KHSRP: variants seen among roughly 807,000 people sequenced by gnomAD.
KHSRP encodes the protein far upstream element-binding protein 2.
In KHSRP, 13 loss-of-function variants were observed where a neutral mutation model predicts 94.9. The ratio of observed to expected loss-of-function variants is 0.14; its 90% CI spans 0.09 to 0.22. The LOEUF is 0.22. KHSRP is among the 10% of genes least tolerant of loss of function. The pLI is 1.00. For synonymous variants in KHSRP, 495 were observed against 401.4 expected, an observed-to-expected ratio of 1.23 and a Z score of -2.79; for missense variants, 710 against 1,010.0, an observed-to-expected ratio of 0.70 and a Z score of 4.03.
chr19:6,424,043 G>C (rs188015249), intron 1 of KHSRP: 1 of 152,418 alleles, frequency 6.6e-6, no homozygotes, highest in Non-Finnish European at 1.5e-5. Context: ...CTAGAGAGGG[G>C]ACAGAAATGG....
intron 1 of KHSRP, among the ~76,000 whole-genome samples, chr19:6,423,680 A>C (rs934075977): frequency 6.6e-6 from 1 of 152,234 alleles, no homozygotes; most frequent in African/African-American, 2.4e-5. Flanking sequence ...GCCAGTCTCT[A>C]GCCCCGGAGG....
intron 4 of KHSRP, chr19:6,420,997 G>A: frequency 2.1e-6 from 1 of 484,848 alleles, no homozygotes; most frequent in East Asian, 3.6e-5. Flanking sequence ...CATTTGTGCT[G>A]CTCAGAGTCC....
chr19:6,420,321 A>G, intron 5 of KHSRP, 101 bp downstream of exon 5: 2 of 1,246,382 alleles, frequency 1.6e-6, no homozygotes, highest in Admixed American at 3.8e-5. Flanking sequence ...AACAGCACAT[A>G]GGAGCCCTCT....
chr19:6,422,580 G>C, intron 1 of KHSRP, 144 bp from the exon 2 acceptor site: 1 of 619,986 alleles, frequency 1.6e-6, no homozygotes, highest in Non-Finnish European at 2.9e-6. Context: ...AGAGTCAGTT[G>C]GTTAAGACAT....
At chr19:6,420,631 G>A (rs924720146) in intron 4 of KHSRP, among the ~76,000 whole-genome samples, 160 bp from the exon 5 acceptor site, 2 of 152,244 alleles carry the variant, frequency 1.3e-5, no homozygotes, top group African/African-American at 2.4e-5. Flanking sequence ...TCTGTGCCCC[G>A]AGAGGCTTGC....
rs35757137 is a variant in KHSRP, at chr19:6,413,825, GTTT to G, written c.*1196_*1198del. 27 of 159,568 alleles carry G rather than the reference GTTT, an allele frequency of 1.7e-4. No homozygotes were observed. The highest frequency in any genetic ancestry group is 2.3e-3 in the Middle Eastern group (1 of 434). 9.9% of individuals were successfully genotyped at this position (159,568 alleles called of 1,614,324 possible). On this transcript the variant is annotated 3_prime_UTR_variant, in exon 19 of 19. Transcript: ENST00000600480. ...TGCTCTTTGTGTTTTTAATTTTTAA[GTTT>G]TTTTTTTTTTTTGGCAGAGATTTAG...
intron 2 of KHSRP, 131 bp from the exon 3 acceptor site, chr19:6,421,819 G>T: frequency 9.7e-7 from 1 of 1,034,618 alleles, no homozygotes; most frequent in Non-Finnish European, 1.5e-6. Flanking sequence ...TGAGACAGGA[G>T]CCCAGGAGAG....
In KHSRP at chr19:6,422,448, T is replaced by G. The variant is rs985563935; in HGVS notation, c.250-12A>C. 2.5e-6 allele frequency: 4 copies of G among 1,600,678 alleles called. No individual in the cohort carries two copies. The highest frequency in any genetic ancestry group is 3.4e-6 in the Non-Finnish European group (4 of 1,168,586). Reference sequence around the variant, plus strand: ...ATTTTGGCTGCAATCTAGAATAAAGTAGTAAGCACAGAAGAATTACCACCA... The same window carrying G: ...ATTTTGGCTGCAATCTAGAATAAAGGAGTAAGCACAGAAGAATTACCACCA... On this transcript the variant is annotated splice_polypyrimidine_tract_variant and intron_variant, in intron 1 of 18. Coordinates refer to ENST00000600480, the MANE Select transcript of KHSRP (RefSeq NM_001366299.1).
At chr19:6,421,178 C>T in intron 4 of KHSRP, 100 bp downstream of exon 4, 2 of 1,130,312 alleles carry the variant, frequency 1.8e-6, no homozygotes, top group Non-Finnish European at 2.6e-6. Context: ...GGGATAAAAC[C>T]TGAGAGATGT....
intron 5 of KHSRP, 107 bp downstream of exon 5, chr19:6,420,315 G>T (rs58019356): frequency 8.3e-7 from 1 of 1,199,288 alleles, no homozygotes; most frequent in Non-Finnish European, 1.2e-6. Flanking sequence ...AATGAGAACA[G>T]CACATAGGAG....
intron 1 of KHSRP, chr19:6,424,040 G>A (rs1010512526): frequency 6.6e-6 from 1 of 152,548 alleles, no homozygotes; most frequent in East Asian, 1.9e-4. Context: ...CTCCTAGAGA[G>A]GGGACAGAAA....
At chr19:6,417,658 C>T (rs556394302) in intron 11 of KHSRP, 81 bp downstream of exon 11, 17 of 1,212,678 alleles carry the variant, frequency 1.4e-5, no homozygotes, top group South Asian at 1.0e-4. Context: ...TGGCTGACCA[C>T]GGTGCCCAGC....
rs1257247323 is a variant in KHSRP, at chr19:6,413,296, A to T, written c.*1728T>A. 5 of 230,002 alleles carry T rather than the reference A, an allele frequency of 2.2e-5. No homozygotes were observed. Among genetic ancestry groups the T allele is most frequent in the Non-Finnish European group, 3.6e-5 (4 of 110,180 alleles). The allele number at this position is 230,002 out of a possible 1,614,324, so 14.2% of individuals were successfully genotyped here. ...TATAAAGAACAAACATCCGCTTCAA[A>T]ACTACAGGGAGGGAAGGAAAGGGGG... is the stretch of plus-strand genomic sequence containing the variant. On this transcript the variant is annotated 3_prime_UTR_variant, in exon 19 of 19. Coordinates refer to ENST00000600480, the MANE Select transcript of KHSRP (RefSeq NM_001366299.1).
At position 6,424,517 on chromosome 19, in the gene KHSRP, G is replaced by A. The variant is rs1715162653; in HGVS notation, c.185C>T (p.Pro62Leu). Residue 62 changes from proline (P) to leucine (L), a missense_variant, in exon 1 of 19, where the codon CCC (proline) becomes CTC (leucine). By Grantham distance (98) the Pro-to-Leu change is moderately conservative. Coordinates refer to ENST00000600480, the MANE Select transcript of KHSRP (RefSeq NM_001366299.1). ...GGSAGGPSQP[P>L]GGGGPGIRKD... is the part of the protein sequence containing the mutation. The stretch of plus-strand genomic sequence containing the variant: ...GCGGATTCCCGGGCCGCCTCCGCCG[G>A]GTGGCTGAGAGGGGCCCCCGGCCGA... 6.1e-6 allele frequency: 6 copies of A among 986,158 alleles called. No individual in the cohort carries two copies. Among genetic ancestry groups the A allele is most frequent in the Non-Finnish European group, 7.2e-6 (6 of 831,966 alleles). 61.1% of individuals were successfully genotyped at this position (986,158 alleles called of 1,614,324 possible).
At chr19:6,421,985 A>C (rs2092197865) in intron 2 of KHSRP, among the ~76,000 whole-genome samples, 1 of 152,200 alleles carries the variant, frequency 6.6e-6, no homozygotes, top group Non-Finnish European at 1.5e-5. Context: ...ATAACAGTGG[A>C]GTTGGTCAGG....
chr19:6,416,053 G>A (rs539875630), intron 15 of KHSRP, among the ~76,000 whole-genome samples, 157 bp from the exon 16 acceptor site: 1 of 152,232 alleles, frequency 6.6e-6, no homozygotes, highest in African/African-American at 2.4e-5. Context: ...GAAGCAACTC[G>A]AAGGACGCGC....
intron 13 of KHSRP, 28 bp from the exon 14 acceptor site, chr19:6,416,678 C>T: frequency 6.2e-7 from 1 of 1,613,562 alleles, no homozygotes; most frequent in South Asian, 1.1e-5. Flanking sequence ...GTGAAGGTGG[C>T]CTGCAGTGAT....
chr19:6,415,426 T>G lies in KHSRP; in HGVS notation c.1920A>C (p.Pro640=). 1 of 1,584,134 alleles carries G rather than the reference T, an allele frequency of 6.3e-7. No homozygotes were observed. Among genetic ancestry groups the G allele is most frequent in the Non-Finnish European group, 8.6e-7 (1 of 1,165,386 alleles). Residue 640 remains proline, a synonymous_variant, in exon 18 of 19, where the codon CCA becomes CCC. Transcript: ENST00000600480. ...GQQPQQPGAP[P]QQDYTKAWEE... ...CCCAAGCCTTCGTGTAGTCCTGCTG[T>G]GGGGGTGCTCCGGGCTGCTGGGGCT... is the stretch of plus-strand genomic sequence containing the variant.
At chr19:6,420,599 T>C (rs2092189391) in intron 4 of KHSRP, 128 bp from the exon 5 acceptor site, 2 of 816,274 alleles carry the variant, frequency 2.5e-6, no homozygotes, top group African/African-American at 1.7e-5. Context: ...GCCACAAAAC[T>C]GCCAAGGCCT....
Sources: gnomAD v4.1 joint callset for allele counts (sites outside exome capture counted in the v4.1 genomes callset) on GRCh38, gnomAD v4.1.1 for gene constraint, MANE v1.5 for transcripts, NCBI Gene and HGNC (gene_info 2026-07-23, HGNC 2026-07-21) for gene names.